HTR2C: variants seen among roughly 807,000 people sequenced by gnomAD.
HTR2C encodes the protein 5-hydroxytryptamine receptor 2C.
Under a neutral mutation model 21.0 loss-of-function variants are expected in HTR2C, and 5 were observed. The ratio of observed to expected loss-of-function variants is 0.24; its 90% CI spans 0.12 to 0.50. The LOEUF (loss-of-function observed/expected upper bound fraction) is 0.50. Among genes scored for constraint, HTR2C ranks in the 20% least tolerant of loss-of-function variants. HTR2C has a pLI of 0.98. For synonymous variants in HTR2C, 150 were observed against 145.3 expected, an observed-to-expected ratio of 1.03 and a Z score of -0.23; for missense variants, 271 against 371.2, an observed-to-expected ratio of 0.73 and a Z score of 2.22.
At chrX:114,722,242 T>G (rs1933249124) in intron 2 of HTR2C, among the ~76,000 whole-genome samples, 1 of 110,826 alleles carries the variant, frequency 9.0e-6, no homozygotes, top group Non-Finnish European at 1.9e-5. Context: ...ACATCCCTTG[T>G]AAGTTGGATT....
intron 4 of HTR2C, among the ~76,000 whole-genome samples, chrX:114,771,129 C>A (rs1408776313): frequency 3.6e-5 from 4 of 111,301 alleles, no homozygotes; most frequent in Non-Finnish European, 7.5e-5. Context: ...GTATGTCTTA[C>A]AATTTCTTGT....
chrX:114,863,074 C>A (rs1269336511), intron 5 of HTR2C, among the ~76,000 whole-genome samples: 1 of 111,480 alleles, frequency 9.0e-6, no homozygotes, highest in Non-Finnish European at 1.9e-5. Context: ...ATCACATTTT[C>A]TTTTTCCATT....
At chrX:114,852,440 C>A (rs2070926355) in intron 5 of HTR2C, among the ~76,000 whole-genome samples, 1 of 109,612 alleles carries the variant, frequency 9.1e-6, no homozygotes, top group Non-Finnish European at 1.9e-5. Context: ...AGATTATACA[C>A]AAATACACGT....
intron 4 of HTR2C, chrX:114,776,122 C>T: frequency 4.0e-6 from 2 of 498,036 alleles, no homozygotes; most frequent in Admixed American, 2.7e-5. Flanking sequence ...CAGATTTGAC[C>T]TCAAAGATTC....
chrX:114,877,017 T>C (rs1261265613), intron 5 of HTR2C, among the ~76,000 whole-genome samples: 1 of 111,443 alleles, frequency 9.0e-6, no homozygotes, highest in African/African-American at 3.3e-5. Flanking sequence ...TTGAGAAGGT[T>C]TGGTGCTAGT....
chrX:114,833,071 G>A (rs1428132987), intron 4 of HTR2C, among the ~76,000 whole-genome samples: 3 of 88,817 alleles, frequency 3.4e-5, no homozygotes, highest in African/African-American at 1.2e-4. Flanking sequence ...TGGTGGATAA[G>A]CTTTTTGATG....
chrX:114,639,347 A>T (rs1177428514), intron 2 of HTR2C: 2 of 113,099 alleles, frequency 1.8e-5, no homozygotes, highest in Non-Finnish European at 3.8e-5. Flanking sequence ...GGATGTGCTC[A>T]TTAGGAGACT....
At chrX:114,829,889 A>G (rs2070706398) in intron 4 of HTR2C, among the ~76,000 whole-genome samples, 1 of 111,402 alleles carries the variant, frequency 9.0e-6, no homozygotes, top group Admixed American at 9.6e-5. Context: ...TTTCCAGTGA[A>G]TCTTGAAATT....
At chrX:114,792,178 T>C (rs1414564803) in intron 4 of HTR2C, among the ~76,000 whole-genome samples, 1 of 111,754 alleles carries the variant, frequency 8.9e-6, no homozygotes, top group East Asian at 2.8e-4. Context: ...GTTACATAGG[T>C]AAATGTGTGT....
At chrX:114,728,203 C>T in intron 3 of HTR2C, among the ~76,000 whole-genome samples, 1 of 111,427 alleles carries the variant, frequency 9.0e-6, no homozygotes, top group Admixed American at 9.6e-5. Context: ...TGTTTATATA[C>T]TAAGAATGTA....
At chrX:114,624,293 A>G (rs1233356017) in intron 2 of HTR2C, among the ~76,000 whole-genome samples, 1 of 111,138 alleles carries the variant, frequency 9.0e-6, no homozygotes, top group Non-Finnish European at 1.9e-5. Flanking sequence ...GAGTAAATGA[A>G]CAACTCTTTC....
intron 2 of HTR2C, among the ~76,000 whole-genome samples, chrX:114,659,460 C>T (rs1320155593): frequency 9.0e-6 from 1 of 110,959 alleles, no homozygotes; most frequent in African/African-American, 3.3e-5. Context: ...GTATTCTTGC[C>T]CCTGCAAAAA....
intron 4 of HTR2C, among the ~76,000 whole-genome samples, chrX:114,824,062 C>T (rs1301688792): frequency 1.8e-5 from 2 of 111,836 alleles, no homozygotes; most frequent in Admixed American, 1.9e-4. Flanking sequence ...AGGAGTATTC[C>T]AGAGAAGAAC....
intron 2 of HTR2C, among the ~76,000 whole-genome samples, chrX:114,709,290 G>A (rs1397902591): frequency 4.5e-5 from 5 of 111,453 alleles, no homozygotes; most frequent in South Asian, 3.7e-4. Context: ...CTCCCTAGTC[G>A]ATTATTATTC....
chrX:114,887,743 C>T (rs186640976), intron 5 of HTR2C, among the ~76,000 whole-genome samples: 4 of 110,746 alleles, frequency 3.6e-5, no homozygotes, highest in East Asian at 5.7e-4. Context: ...AGCTGTTGGC[C>T]GGGCGCGGTG....
At chrX:114,622,725 C>T (rs911521836) in intron 2 of HTR2C, among the ~76,000 whole-genome samples, 2 of 112,013 alleles carry the variant, frequency 1.8e-5, no homozygotes, top group Non-Finnish European at 3.8e-5. Flanking sequence ...AATACATCTG[C>T]CAGTAGATGT....
intron 3 of HTR2C, among the ~76,000 whole-genome samples, chrX:114,727,999 T>A (rs782157559): frequency 3.6e-5 from 4 of 111,842 alleles, no homozygotes; most frequent in Non-Finnish European, 7.5e-5. Flanking sequence ...TTGGCCCATA[T>A]ACCAAAGTGT....
chrX:114,766,335 T>TGTTC (rs782345804), intron 4 of HTR2C, among the ~76,000 whole-genome samples: 1 of 111,903 alleles, frequency 8.9e-6, no homozygotes, highest in African/African-American at 3.2e-5. Context: ...TGTGCTTTTA[T>TGTTC]GTTCCTATGA....
At chrX:114,770,016 C>G (rs1556436687) in intron 4 of HTR2C, among the ~76,000 whole-genome samples, 1 of 111,583 alleles carries the variant, frequency 9.0e-6, no homozygotes, top group African/African-American at 3.3e-5. Flanking sequence ...ATTTTTCTAT[C>G]AGCCCTTCAA....
Sources: allele counts gnomAD v4.1 joint callset (sites outside exome capture counted in the v4.1 genomes callset), GRCh38; gene constraint gnomAD v4.1.1; transcripts MANE v1.5; gene names NCBI Gene and HGNC (gene_info 2026-07-23, HGNC 2026-07-21).